Variants in CHEK1 observed in about 807,000 individuals in gnomAD.
CHEK1 encodes serine/threonine-protein kinase Chk1.
A neutral mutation model predicts 60.2 loss-of-function variants in CHEK1; 32 were observed. That is an observed-to-expected ratio of 0.53 (90% confidence interval 0.40 to 0.71). The LOEUF is 0.71. Among genes scored for constraint, CHEK1 ranks in the 30% least tolerant of loss-of-function variants. The probability of loss-of-function intolerance (pLI) is 0.00; values close to 1 mark genes in which losing one functional copy is unlikely to be tolerated. For synonymous variants in CHEK1, 179 were observed against 187.2 expected, an observed-to-expected ratio of 0.96 and a Z score of 0.36; for missense variants, 399 against 564.6, an observed-to-expected ratio of 0.71 and a Z score of 2.97.
chr11:125,632,078 C>T (rs369820461), intron 5 of CHEK1, among the ~76,000 whole-genome samples: 29 of 152,002 alleles, frequency 1.9e-4, no homozygotes, highest in Middle Eastern at 3.4e-3. Flanking sequence ...ATAAAAATTG[C>T]GTCATGCTAT....
chr11:125,628,063 G>C (rs1206611133), intron 3 of CHEK1, among the ~76,000 whole-genome samples: 2 of 152,034 alleles, frequency 1.3e-5, no homozygotes, highest in Non-Finnish European at 2.9e-5. Flanking sequence ...ATTTAAGATT[G>C]GTGTCTTACA....
At chr11:125,633,999 T>TTTG (rs1491166032) in intron 6 of CHEK1, among the ~76,000 whole-genome samples, 1 of 3,898 alleles carries the variant, frequency 2.6e-4, no homozygotes, top group East Asian at 5.4e-3. Flanking sequence ...TCTATTGTGG[T>TTTG]TTTTTTTTTT....
downstream of CHEK1, chr11:125,657,209 G>GTGTGTGTGTT (rs1941928210): frequency 6.1e-6 from 1 of 163,596 alleles, no homozygotes; most frequent in African/African-American, 2.4e-5. Context: ...GTGTGTGTGT[G>GTGTGTGTGTT]TGTGTGTGTA....
exon 14 of CHEK1, chr11:125,676,101 T>G: frequency 9.0e-6 from 3 of 334,498 alleles, no homozygotes; most frequent in Non-Finnish European, 1.1e-5. Context: ...AGAGATGGGG[T>G]TTTTTCATGT....
At chr11:125,628,564 A>G (rs561735306) in intron 3 of CHEK1, among the ~76,000 whole-genome samples, 1 of 152,332 alleles carries the variant, frequency 6.6e-6, no homozygotes, top group South Asian at 2.1e-4. Flanking sequence ...GAACTTTCAT[A>G]ATAAAACTGT....
At chr11:125,657,705 A>G (rs1034365990), downstream of CHEK1, among the ~76,000 whole-genome samples, 1 of 152,136 alleles carries the variant, frequency 6.6e-6, no homozygotes, top group Non-Finnish European at 1.5e-5. Flanking sequence ...GGATGTATTT[A>G]TGAACATCCC....
chr11:125,678,538 G>C (rs1942634002), downstream of CHEK1, among the ~76,000 whole-genome samples: 1 of 152,038 alleles, frequency 6.6e-6, no homozygotes, highest in Admixed American at 6.6e-5. Context: ...AGAATCTTAA[G>C]TTCCCCAATA....
intron 13 of CHEK1, among the ~76,000 whole-genome samples, chr11:125,665,889 T>TTTTTG (rs1942089442): frequency 6.8e-6 from 1 of 147,912 alleles, no homozygotes; most frequent in African/African-American, 2.5e-5. Flanking sequence ...TTTTTTTTTT[T>TTTTTG]TTTTTGTAGT....
At chr11:125,644,414 C>G (rs1345937813) in intron 10 of CHEK1, 98 bp from the exon 11 acceptor site, 12 of 1,487,056 alleles carry the variant, frequency 8.1e-6, no homozygotes, top group East Asian at 4.5e-5. Context: ...AGGAGGGAGG[C>G]CTTCATGCAA....
intron 2 of CHEK1, 56 bp from the exon 3 acceptor site, chr11:125,627,551 T>A: frequency 6.9e-7 from 1 of 1,439,142 alleles, no homozygotes; most frequent in South Asian, 1.3e-5. Context: ...TGTTTAATCT[T>A]TGGAAGTTTT....
At chr11:125,634,119 C>T (rs1216947664) in intron 6 of CHEK1, among the ~76,000 whole-genome samples, 2 of 151,568 alleles carry the variant, frequency 1.3e-5, no homozygotes, top group African/African-American at 4.8e-5. Context: ...CCCAGGCTCC[C>T]AAGTAGCTGG....
chr11:125,629,061 GGTAAATGTGA>G (rs1165577885), intron 3 of CHEK1, among the ~76,000 whole-genome samples, 161 bp from the exon 4 acceptor site: 1 of 152,140 alleles, frequency 6.6e-6, no homozygotes, highest in East Asian at 1.9e-4. Context: ...ACCTAACACA[GGTAAATGTGA>G]GTTAAGCCCC....
chr11:125,654,073 G>C (rs889620883), intron 12 of CHEK1, among the ~76,000 whole-genome samples: 1 of 152,066 alleles, frequency 6.6e-6, no homozygotes, highest in African/African-American at 2.4e-5. Context: ...GCTCATGCCT[G>C]TAATCCCAGC....
At chr11:125,648,241 C>G (rs1275255932) in intron 11 of CHEK1, among the ~76,000 whole-genome samples, 1 of 151,852 alleles carries the variant, frequency 6.6e-6, no homozygotes, top group Non-Finnish European at 1.5e-5. Context: ...AATTCATTAA[C>G]TCCAGTAGTT....
At chr11:125,652,642 G>C (rs963164595) in intron 11 of CHEK1, among the ~76,000 whole-genome samples, 1 of 152,150 alleles carries the variant, frequency 6.6e-6, no homozygotes, top group African/African-American at 2.4e-5. Flanking sequence ...GAATGAGTGA[G>C]ATTATCAGCA....
intron 13 of CHEK1, among the ~76,000 whole-genome samples, chr11:125,674,777 C>T (rs560007903): frequency 6.6e-6 from 1 of 152,270 alleles, no homozygotes; most frequent in African/African-American, 2.4e-5. Flanking sequence ...TTTTAAAATG[C>T]ATATCATACT....
chr11:125,643,332 A>AAG (rs1039778438), intron 8 of CHEK1: 13 of 150,684 alleles, frequency 8.6e-5, no homozygotes, highest in Admixed American at 7.3e-4. Flanking sequence ...ACAAAAAAAA[A>AAG]AAAAAAAAAA....
chr11:125,632,348 T>C (rs1454142864), intron 5 of CHEK1, among the ~76,000 whole-genome samples: 3 of 152,216 alleles, frequency 2.0e-5, no homozygotes, highest in African/African-American at 7.2e-5. Context: ...CACAGTTTAG[T>C]ATGTTTTGCC....
At chr11:125,669,856 C>T (rs952172576) in intron 13 of CHEK1, among the ~76,000 whole-genome samples, 3 of 152,010 alleles carry the variant, frequency 2.0e-5, no homozygotes, top group African/African-American at 4.8e-5. Context: ...ATTTATCCTC[C>T]CTTGAGTTTA....
Sources: allele counts gnomAD v4.1 joint callset (sites outside exome capture counted in the v4.1 genomes callset), GRCh38; gene constraint gnomAD v4.1.1; transcripts MANE v1.5; gene names NCBI Gene and HGNC (gene_info 2026-07-23, HGNC 2026-07-21).